Variants in STRBP observed in about 807,000 individuals in gnomAD.
The protein encoded by STRBP is spermatid perinuclear RNA-binding protein.
A neutral mutation model predicts 80.1 loss-of-function variants in STRBP; 13 were observed. The ratio of observed to expected loss-of-function variants is 0.16; its 90% confidence interval spans 0.11 to 0.26. The LOEUF (loss-of-function observed/expected upper bound fraction) is 0.26, where lower values mean the gene tolerates loss of function less well. Ranked by LOEUF, STRBP falls within the 10% of genes least tolerant of loss-of-function variation. The pLI is 1.00. For missense variants in STRBP, 485 were observed against 815.2 expected (o/e 0.59, Z 4.93); for synonymous variants, 284 against 291.2 (o/e 0.98, Z 0.25).
chr9:123,262,263 T>G (rs2041174547), intron 1 of STRBP, among the ~76,000 whole-genome samples: 1 of 152,208 alleles, frequency 6.6e-6, no homozygotes, highest in Non-Finnish European at 1.5e-5. Context: ...GGCTTAATAA[T>G]GGCATACTAA....
chr9:123,205,433 A>G (rs1448025283), intron 2 of STRBP, among the ~76,000 whole-genome samples: 1 of 152,228 alleles, frequency 6.6e-6, no homozygotes. Flanking sequence ...AAACAAAACA[A>G]AACCCATATC....
intron 18 of STRBP, 35 bp downstream of exon 18, chr9:123,128,179 G>T (rs1239772657): frequency 1.9e-6 from 3 of 1,612,276 alleles, no homozygotes; most frequent in Non-Finnish European, 2.5e-6. Flanking sequence ...TGTGACAGTC[G>T]CTAAGAGGAG....
chr9:123,218,354 A>ATTTTT (rs1197467439), intron 2 of STRBP, among the ~76,000 whole-genome samples: 2 of 135,804 alleles, frequency 1.5e-5, no homozygotes, highest in Admixed American at 7.1e-5. Flanking sequence ...ATTAAATATG[A>ATTTTT]CTTTTTTTTT....
intron 4 of STRBP, 142 bp downstream of exon 4, chr9:123,178,865 G>T (rs2038334083): frequency 1.6e-6 from 1 of 638,734 alleles, no homozygotes; most frequent in East Asian, 2.7e-5. Context: ...AAATCTCCAT[G>T]TAACATTTAC....
chr9:123,123,521 AAC>A lies in STRBP; in HGVS notation c.*2074_*2075del. ...ACAACATGGTTAGTAACTTCCAACAAACAACAAAATTAAAAAAAAAAAAAAAA... is the reference window on the plus strand; with the variant it reads ...ACAACATGGTTAGTAACTTCCAACAAAACAAAATTAAAAAAAAAAAAAAAA... On this transcript the variant is annotated 3_prime_UTR_variant, in exon 19 of 19. Transcript: ENST00000348403. 1 of 926,436 alleles carries A rather than the reference AAC, an allele frequency of 1.1e-6. No homozygotes were observed. 57.4% of individuals were successfully genotyped at this position (926,436 alleles called of 1,614,324 possible).
intron 2 of STRBP, among the ~76,000 whole-genome samples, chr9:123,223,102 T>A (rs900688197): frequency 1.4e-5 from 2 of 146,982 alleles, no homozygotes; most frequent in African/African-American, 5.0e-5. Context: ...TAGATAAAAA[T>A]GAGCTCATCT....
intron 13 of STRBP, among the ~76,000 whole-genome samples, chr9:123,144,197 C>CAAAAA (rs957671357): frequency 1.6e-4 from 11 of 69,034 alleles, no homozygotes; most frequent in African/African-American, 4.1e-4. Context: ...GACTCCGTCT[C>CAAAAA]AAAAAAAAAA....
chr9:123,236,065 C>T (rs1231025532), intron 2 of STRBP, among the ~76,000 whole-genome samples: 2 of 152,132 alleles, frequency 1.3e-5, no homozygotes, highest in African/African-American at 4.8e-5. Context: ...ACTTTGAATA[C>T]AAAAATACTC....
intron 14 of STRBP, among the ~76,000 whole-genome samples, chr9:123,137,816 A>C (rs768303778): frequency 1.4e-4 from 22 of 152,216 alleles, no homozygotes; most frequent in Non-Finnish European, 2.9e-4. Flanking sequence ...TGAAACATCA[A>C]AGGACAATTT....
At chr9:123,109,610 T>C (rs1342710278) in exon 4 of STRBP, 1 of 152,040 alleles carries the variant, frequency 6.6e-6, no homozygotes, top group Non-Finnish European at 1.5e-5. Context: ...TATGGCAGAG[T>C]CCAACATACT....
chr9:123,159,139 C>G lies in STRBP; in HGVS notation c.792G>C (p.Leu264Phe). ...CNRPLGAGEA[L>F]RRVMECLASG... is the part of the protein sequence containing the mutation. ...ATGCCAAACACTCCATTACTCGTCTCAAGGCCTCCCCAGCGCCCAAAGGTC... is the reference window on the plus strand; with the variant it reads ...ATGCCAAACACTCCATTACTCGTCTGAAGGCCTCCCCAGCGCCCAAAGGTC... Residue 264 changes from leucine (L) to phenylalanine (F), a missense_variant, in exon 9 of 19, where the codon TTG becomes TTC. Coordinates refer to ENST00000348403, the MANE Select transcript of STRBP (RefSeq NM_018387.5). 3.1e-6 allele frequency: 5 copies of G among 1,613,680 alleles called. No homozygotes were observed. Among genetic ancestry groups the G allele is most frequent in the Non-Finnish European group, 4.2e-6 (5 of 1,179,648 alleles).
intron 13 of STRBP, among the ~76,000 whole-genome samples, chr9:123,143,654 A>C (rs2036686032): frequency 6.6e-6 from 1 of 152,264 alleles, no homozygotes; most frequent in African/African-American, 2.4e-5. Flanking sequence ...TTTTTTAACA[A>C]ATTAATGAAT....
At chr9:123,150,699 A>G (rs2132363955) in intron 11 of STRBP, among the ~76,000 whole-genome samples, 1 of 152,316 alleles carries the variant, frequency 6.6e-6, no homozygotes. Context: ...AGAGGTCACT[A>G]AGAACTGAAG....
intron 1 of STRBP, among the ~76,000 whole-genome samples, chr9:123,251,087 C>T (rs1156936265): frequency 2.6e-5 from 4 of 152,178 alleles, no homozygotes; most frequent in Non-Finnish European, 4.4e-5. Context: ...ATGATCGTAC[C>T]ACTGCACTCC....
chr9:123,133,778 A>G (rs2036242496), intron 16 of STRBP, among the ~76,000 whole-genome samples: 1 of 152,080 alleles, frequency 6.6e-6, no homozygotes, highest in African/African-American at 2.4e-5. Context: ...ACCTCAAGTG[A>G]TCTGCCCACC....
In STRBP at chr9:123,132,877, C is replaced by T. The variant is rs757937625; in HGVS notation, c.1865G>A (p.Gly622Glu). The change falls in exon 17 of 19, where the codon GGG (glycine) becomes GAG (glutamate). Residue 622 changes from glycine to glutamate, a missense_variant. Physicochemically the swap from Gly to Glu is moderately conservative, Grantham distance 98. Coordinates refer to ENST00000348403, the MANE Select transcript of STRBP (RefSeq NM_018387.5). ...RGTLTRGAFV[G>E]ATAAPGYIAP... ...TATGTAGCCAGGAGCAGCTGTCGCC[C>T]CAACAAAAGCTCCCCTTGTTAGAGT... The T allele has an allele frequency of 6.2e-7, 1 of 1,614,106 alleles. No homozygotes were observed. The highest frequency in any genetic ancestry group is 8.5e-7 in the Non-Finnish European group (1 of 1,179,976).
intron 1 of STRBP, among the ~76,000 whole-genome samples, chr9:123,251,983 T>C (rs1055513688): frequency 2.6e-5 from 4 of 152,062 alleles, no homozygotes; most frequent in Non-Finnish European, 5.9e-5. Context: ...AAGGGATTGC[T>C]ATAAGGGAGC....
At chr9:123,220,908 A>C (rs2040046077) in intron 2 of STRBP, among the ~76,000 whole-genome samples, 1 of 152,296 alleles carries the variant, frequency 6.6e-6, no homozygotes, top group South Asian at 2.1e-4. Context: ...AATCAGGTCT[A>C]TCTAGCTCCA....
At chr9:123,239,951 T>A (rs1448673597) in intron 1 of STRBP, among the ~76,000 whole-genome samples, 1 of 152,168 alleles carries the variant, frequency 6.6e-6, no homozygotes, top group Non-Finnish European at 1.5e-5. Flanking sequence ...AGAAGTCAAG[T>A]GATTCATCCA....
Sources: allele counts gnomAD v4.1 joint callset (sites outside exome capture counted in the v4.1 genomes callset), GRCh38; gene constraint gnomAD v4.1.1; transcripts MANE v1.5; gene names NCBI Gene and HGNC (gene_info 2026-07-23, HGNC 2026-07-21).